CYTH3: variants seen among roughly 807,000 people sequenced by gnomAD.
The protein encoded by CYTH3 is cytohesin 3.
Under a neutral mutation model 55.1 loss-of-function variants are expected in CYTH3, and 23 were observed. That is an observed-to-expected ratio of 0.42 (90% CI 0.30 to 0.59). The LOEUF is 0.59. Among genes scored for constraint, CYTH3 ranks in the 20% least tolerant of loss-of-function variants. The pLI is 0.20. For synonymous variants in CYTH3, 249 were observed against 194.9 expected, an observed-to-expected ratio of 1.28 and a Z score of -2.31; for missense variants, 413 against 524.8, an observed-to-expected ratio of 0.79 and a Z score of 2.08.
At chr7:6,259,801 A>T (rs1780283260) in intron 1 of CYTH3, among the ~76,000 whole-genome samples, 2 of 24,100 alleles carry the variant, frequency 8.3e-5, no homozygotes, top group Non-Finnish European at 1.2e-4. Flanking sequence ...ATATATATAT[A>T]TATATATATA....
At position 6,222,338 on chromosome 7, in the gene CYTH3, T is replaced by C. The variant is rs185521313; in HGVS notation, c.35-31807A>G. ...ACTCTGTCTCTGTTCTCAAGGCAAG[T>C]GCCTCGTGTTCCCCCCCATATCCCT... On this transcript the variant is annotated intron_variant, in intron 1 of 12. Coordinates refer to ENST00000350796, the MANE Select transcript of CYTH3 (RefSeq NM_004227.4). Among the ~76,000 whole-genome samples, 54 of 152,318 alleles carry C rather than the reference T, an allele frequency of 3.5e-4. No individual in the cohort carries two copies. In the East Asian group the frequency reaches 5.2e-3, roughly 15 times the overall value.
chr7:6,268,598 C>T (rs184140666), intron 1 of CYTH3, among the ~76,000 whole-genome samples: 229 of 152,298 alleles, frequency 1.5e-3, no homozygotes, highest in Middle Eastern at 6.8e-3. Context: ...AAGTCTCTTG[C>T]TTGCTGATGG....
At chr7:6,180,727 T>C (rs1336784248) in intron 4 of CYTH3, among the ~76,000 whole-genome samples, 2 of 152,266 alleles carry the variant, frequency 1.3e-5, no homozygotes, top group African/African-American at 4.8e-5. Flanking sequence ...AAATGTTTAC[T>C]ATTTTAAAAT....
intron 1 of CYTH3, among the ~76,000 whole-genome samples, chr7:6,204,794 A>T (rs1174686738): frequency 6.6e-6 from 1 of 152,222 alleles, no homozygotes; most frequent in African/African-American, 2.4e-5. Flanking sequence ...TCCTGTATCG[A>T]ACTATAACAA....
rs567185764 is a variant in CYTH3 at position 6,258,691 on chromosome 7, G to C, written c.34+13783C>G. Among the ~76,000 whole-genome samples the C allele has an allele frequency of 2.6e-5, 4 of 152,218 alleles. No homozygotes were observed. The South Asian group carries it at 8.3e-4, about 31-fold the overall frequency. ...CAACAGGCAACAGAGAAATAAACTG[G>C]TTGTTCAATCCTTCTTCTGTCCCCC... On this transcript the variant is annotated intron_variant, in intron 1 of 12. Coordinates refer to ENST00000350796, the MANE Select transcript of CYTH3 (RefSeq NM_004227.4).
rs796168188 is a variant in CYTH3 at position 6,217,881 on chromosome 7, T to TA, written c.35-27351dup. Among the ~76,000 whole-genome samples the TA allele has an allele frequency of 2.2e-3, 329 of 149,280 alleles. 1 individual carries two copies. The highest frequency in any genetic ancestry group is 7.0e-3 in the African/African-American group (285 of 40,804). The stretch of plus-strand genomic sequence containing the variant: ...GCAAATAGAATTAAGAATTTTAGAT[T>TA]AAAAAAAAAATAGATGGAGAGCGAG... On this transcript the variant is annotated intron_variant, in intron 1 of 12. Coordinates refer to ENST00000350796, the MANE Select transcript of CYTH3 (RefSeq NM_004227.4).
At chr7:6,260,652 G>A (rs527354705) in intron 1 of CYTH3, among the ~76,000 whole-genome samples, 1 of 152,222 alleles carries the variant, frequency 6.6e-6, no homozygotes, top group Admixed American at 6.5e-5. Flanking sequence ...GTCTCTAAGT[G>A]CATTCAACAC....
At chr7:6,229,224 T>C (rs1779324959) in intron 1 of CYTH3, among the ~76,000 whole-genome samples, 1 of 152,232 alleles carries the variant, frequency 6.6e-6, no homozygotes, top group East Asian at 1.9e-4. Context: ...TACTCCTCTA[T>C]AGCCAAAGAA....
intron 1 of CYTH3, among the ~76,000 whole-genome samples, chr7:6,259,459 C>A (rs1780221295): frequency 6.6e-6 from 1 of 151,820 alleles, no homozygotes; most frequent in Admixed American, 6.6e-5. Flanking sequence ...AAAATATCTT[C>A]TTGGCCAACT....
Position 6,231,355 on chromosome 7 carries a change from A to C in CYTH3, c.35-40824T>G, listed in dbSNP as rs556964484. ...GGGAGAAGAGCCTCCTGGGCAAAGG[A>C]AACAGAGTGAGCACGAAGACTCCAA... On this transcript the variant is annotated intron_variant, in intron 1 of 12. Transcript: ENST00000350796. Among the ~76,000 whole-genome samples, 4 of 152,334 alleles carry C rather than the reference A, an allele frequency of 2.6e-5. No individual in the cohort carries two copies. In the South Asian group the frequency reaches 8.3e-4, roughly 32 times the overall value.
intron 5 of CYTH3, 115 bp from the exon 6 acceptor site, chr7:6,173,848 C>A: frequency 1.4e-6 from 1 of 692,268 alleles, no homozygotes; most frequent in South Asian, 1.6e-5. Context: ...TCTGCATGGC[C>A]ATGCTTTTTT....
At chr7:6,177,793 G>A (rs1482253932) in intron 5 of CYTH3, 30 bp downstream of exon 5, 8 of 1,553,930 alleles carry the variant, frequency 5.1e-6, no homozygotes, top group Non-Finnish European at 7.1e-6. Flanking sequence ...AGTGGCCCCA[G>A]GTAGGGCTTT....
chr7:6,170,342 C>T lies in CYTH3; in HGVS notation c.823+193G>A, dbSNP rs995429229. ...GCGCTACTCTCTGCCGCGGGCATGG[C>T]TCTGAGGCCCCGGCTCGGAGAAGCA... On this transcript the variant is annotated intron_variant, in intron 9 of 12. Coordinates refer to ENST00000350796, the MANE Select transcript of CYTH3 (RefSeq NM_004227.4). The surrounding 1 kb of genome is among the most constrained non-coding windows in gnomAD (Gnocchi z 7.8). 1.0e-5 allele frequency: 6 copies of T among 592,662 alleles called. No homozygotes were observed. The highest frequency in any genetic ancestry group is 1.9e-5 in the African/African-American group (1 of 53,586). 36.7% of individuals were successfully genotyped at this position (592,662 alleles called of 1,614,324 possible).
At position 6,168,832 on chromosome 7, in the gene CYTH3, C is replaced by T. The variant is rs1259044172; in HGVS notation, c.823+1703G>A. On this transcript the variant is annotated intron_variant, in intron 9 of 12. Coordinates refer to ENST00000350796, the MANE Select transcript of CYTH3 (RefSeq NM_004227.4). ...GGCAGGGGTCACATTGGCTGCCAGG[C>T]AGGCTGATGGCGTCACTGTCCCTCG... 4.6e-5 allele frequency among the ~76,000 whole-genome samples: 7 copies of T among 152,352 alleles called. No homozygotes were observed. In the East Asian group the frequency reaches 1.3e-3, roughly 29 times the overall value.
In CYTH3 at chr7:6,171,221, G is replaced by A. The variant is rs879155222; in HGVS notation, c.543C>T (p.Pro181=). 3.7e-6 allele frequency: 6 copies of A among 1,614,150 alleles called. No homozygotes were observed. Among genetic ancestry groups the A allele is most frequent in the African/African-American group, 2.7e-5 (2 of 75,050 alleles). ...AFASRYCLCN[P]GVFQSTDTCY... is the part of the protein sequence containing the mutation. The stretch of plus-strand genomic sequence containing the variant: ...ACTGACCTGTGGACTGGAAGACCCC[G>A]GGGTTGCACAGGCAGTAGCGAGAAG... The change falls in exon 7 of 13, where the codon CCC becomes CCT. Residue 181 remains proline, a synonymous_variant. Transcript: ENST00000350796. This position sits in a 1 kb window ranked among gnomAD's most constrained non-coding sequence, Gnocchi z 6.7.
intron 1 of CYTH3, among the ~76,000 whole-genome samples, chr7:6,218,819 AC>A (rs1394611924): frequency 1.3e-5 from 2 of 152,090 alleles, no homozygotes; most frequent in African/African-American, 4.8e-5. Context: ...ATCCTGGCCA[AC>A]ATGGCGAAAC....
intron 1 of CYTH3, among the ~76,000 whole-genome samples, chr7:6,211,712 T>A (rs1264212395): frequency 2.0e-5 from 3 of 152,142 alleles, no homozygotes; most frequent in African/African-American, 7.2e-5. Flanking sequence ...AAATATTAGG[T>A]CTTGGCTGGG....
chr7:6,271,201 A>G (rs531627416), intron 1 of CYTH3, among the ~76,000 whole-genome samples: 1 of 152,244 alleles, frequency 6.6e-6, no homozygotes, highest in East Asian at 1.9e-4. Context: ...CCCTAGCTTC[A>G]ACTATAAGAA....
chr7:6,229,388 T>C (rs529236535), intron 1 of CYTH3, among the ~76,000 whole-genome samples: 2 of 152,296 alleles, frequency 1.3e-5, no homozygotes, highest in South Asian at 2.1e-4. Flanking sequence ...GAAGAAAGCG[T>C]GCTTGCTGCG....
Sources: gnomAD v4.1 joint callset for allele counts (sites outside exome capture counted in the v4.1 genomes callset) on GRCh38, gnomAD v4.1.1 for gene constraint, Gnocchi (gnomAD v3.1) non-coding constraint, MANE v1.5 for transcripts, NCBI Gene and HGNC (gene_info 2026-07-23, HGNC 2026-07-21) for gene names.